FBXL13: variants seen among roughly 807,000 people sequenced by gnomAD.
The protein encoded by FBXL13 is F-box and leucine rich repeat protein 13.
In FBXL13, 67 loss-of-function variants were observed where a neutral mutation model predicts 83.6. That is an observed-to-expected ratio of 0.80 (90% CI 0.66 to 0.98). The LOEUF (loss-of-function observed/expected upper bound fraction) is 0.98, where lower values mean the gene tolerates loss of function less well. FBXL13 is among the 50% of genes least tolerant of loss of function. FBXL13 has a pLI of 0.00. For missense variants in FBXL13, 822 were observed against 866.5 expected (o/e 0.95, Z 0.64); for synonymous variants, 272 against 299.5 (o/e 0.91, Z 0.95).
intron 11 of FBXL13, among the ~76,000 whole-genome samples, chr7:102,909,523 G>A (rs1056986200): frequency 4.6e-5 from 7 of 151,952 alleles, no homozygotes; most frequent in Non-Finnish European, 1.5e-5. Flanking sequence ...AAGTCACAGA[G>A]GCTCACCCAA....
At chr7:102,990,518 A>C (rs1000346970) in intron 6 of FBXL13, among the ~76,000 whole-genome samples, 9 of 152,240 alleles carry the variant, frequency 5.9e-5, no homozygotes, top group Non-Finnish European at 2.9e-5. Context: ...CAGATTGTGA[A>C]TTCAAAGCAG....
intron 2 of FBXL13, chr7:103,050,033 C>G (rs1048315841): frequency 6.6e-6 from 1 of 152,236 alleles, no homozygotes; most frequent in African/African-American, 2.4e-5. Flanking sequence ...GACCAGTTTG[C>G]TGGGTCGTCT....
At chr7:102,920,293 G>T (rs1563091693) in intron 10 of FBXL13, among the ~76,000 whole-genome samples, 1 of 152,074 alleles carries the variant, frequency 6.6e-6, no homozygotes, top group Non-Finnish European at 1.5e-5. Flanking sequence ...CAGAGCAAAA[G>T]ACAGAAATAC....
At chr7:102,976,031 C>A in intron 6 of FBXL13, 1 of 766,378 alleles carries the variant, frequency 1.3e-6, no homozygotes, top group East Asian at 2.4e-5. Context: ...CGAGGCCATG[C>A]CCCCTCTGCG....
chr7:102,948,111 A>G (rs1415520095), intron 8 of FBXL13, among the ~76,000 whole-genome samples: 2 of 149,624 alleles, frequency 1.3e-5, no homozygotes, highest in African/African-American at 4.9e-5. Context: ...TCACCCAGGC[A>G]GGAGTGCAAT....
chr7:102,912,997 A>C, intron 11 of FBXL13, 89 bp downstream of exon 12: 1 of 1,547,352 alleles, frequency 6.5e-7, no homozygotes, highest in Non-Finnish European at 8.8e-7. Flanking sequence ...GTCCGTGCAC[A>C]GCATTAGTAT....
intron 17 of FBXL13, 73 bp from the exon 19 acceptor site, chr7:102,833,047 T>C (rs1353079378): frequency 1.3e-5 from 19 of 1,514,668 alleles, no homozygotes; most frequent in Admixed American, 1.9e-5. Context: ...TAGTAGCTTA[T>C]TAAATGTACA....
chr7:103,033,534 G>C (rs1396968128), intron 2 of FBXL13, among the ~76,000 whole-genome samples: 1 of 152,146 alleles, frequency 6.6e-6, no homozygotes, highest in African/African-American at 2.4e-5. Flanking sequence ...GTGGATTCGT[G>C]GTCTTGCTGG....
At chr7:102,924,076 T>C (rs1307314793) in intron 10 of FBXL13, among the ~76,000 whole-genome samples, 2 of 151,300 alleles carry the variant, frequency 1.3e-5, no homozygotes, top group East Asian at 2.0e-4. Flanking sequence ...CCCTCTCTAC[T>C]AAAAATACAA....
intron 8 of FBXL13, among the ~76,000 whole-genome samples, chr7:102,942,980 G>A (rs1027058486): frequency 6.7e-6 from 1 of 148,576 alleles, no homozygotes; most frequent in African/African-American, 2.5e-5. Context: ...TGCTCTTAGA[G>A]GGTGAAAAAA....
chr7:102,928,870 GGAGAAAGAGTGCAACCAGAGAAA>G (rs1392608850), intron 9 of FBXL13, among the ~76,000 whole-genome samples: 3 of 152,174 alleles, frequency 2.0e-5, no homozygotes, highest in Non-Finnish European at 4.4e-5. Flanking sequence ...CTTTGCTAGT[GGAGAAAGAGTGCAACCAGAGAAA>G]GCAGAACATT....
intron 6 of FBXL13, among the ~76,000 whole-genome samples, chr7:102,983,422 CTTT>C (rs372458751): frequency 9.9e-5 from 11 of 111,552 alleles, no homozygotes; most frequent in Admixed American, 1.9e-4. Flanking sequence ...CTTTTTTCCC[CTTT>C]TTTTTTTTTT....
At chr7:102,839,678 C>T (rs1290902373) in intron 17 of FBXL13, among the ~76,000 whole-genome samples, 2 of 152,062 alleles carry the variant, frequency 1.3e-5, no homozygotes, top group East Asian at 3.9e-4. Context: ...AACTCCTGAC[C>T]TCAGGGATCC....
chr7:102,833,596 CT>C (rs1225188712), intron 17 of FBXL13, among the ~76,000 whole-genome samples: 1,528 of 137,970 alleles, frequency 0.011, 7 homozygotes, highest in Middle Eastern at 0.026. Flanking sequence ...CCGGCTAATT[CT>C]TTTTTTTTTT....
At chr7:102,952,685 C>T (rs754567322) in intron 8 of FBXL13, among the ~76,000 whole-genome samples, 7 of 151,948 alleles carry the variant, frequency 4.6e-5, no homozygotes, top group Non-Finnish European at 1.0e-4. Flanking sequence ...AATCAGCAAT[C>T]AAAAAACCTC....
At chr7:103,039,074 A>G (rs1585498145) in intron 2 of FBXL13, among the ~76,000 whole-genome samples, 1 of 152,328 alleles carries the variant, frequency 6.6e-6, no homozygotes, top group Middle Eastern at 3.4e-3. Flanking sequence ...AAAATCTTGA[A>G]AAAAGATTAG....
chr7:102,902,714 T>A (rs993331002), intron 11 of FBXL13, among the ~76,000 whole-genome samples: 2 of 152,216 alleles, frequency 1.3e-5, no homozygotes, highest in Non-Finnish European at 2.9e-5. Context: ...CCTTGGCACC[T>A]TTGCTGAAAA....
intron 18 of FBXL13, among the ~76,000 whole-genome samples, chr7:102,831,519 G>T (rs549222677): frequency 2.1e-4 from 32 of 152,234 alleles, no homozygotes; most frequent in Non-Finnish European, 4.0e-4. Context: ...CCAGGCTTCT[G>T]TTTGGGGTGG....
At chr7:102,866,622 C>T (rs921527455) in intron 16 of FBXL13, among the ~76,000 whole-genome samples, 2 of 152,184 alleles carry the variant, frequency 1.3e-5, no homozygotes, top group Non-Finnish European at 2.9e-5. Flanking sequence ...TTTTGCTTCA[C>T]TGGACTCAGG....
Sources: allele counts gnomAD v4.1 joint callset (sites outside exome capture counted in the v4.1 genomes callset), GRCh38; gene constraint gnomAD v4.1.1; transcripts MANE v1.5; gene names NCBI Gene and HGNC (gene_info 2026-07-23, HGNC 2026-07-21).